The following EXOC4 variants were observed in gnomAD, a reference collection of about 807,000 sequenced individuals.
EXOC4 encodes the protein SEC8-like 1.
Under a neutral mutation model 107.2 loss-of-function variants are expected in EXOC4, and 71 were observed. That is an observed-to-expected ratio of 0.66 (90% CI 0.55 to 0.81). The LOEUF (loss-of-function observed/expected upper bound fraction) is 0.81. Ranked by LOEUF, EXOC4 falls within the 30% of genes least tolerant of loss-of-function variation. EXOC4 has a pLI of 0.00. For synonymous variants in EXOC4, 456 were observed against 441.2 expected, an observed-to-expected ratio of 1.03 and a Z score of -0.42; for missense variants, 1,108 against 1,189.6, an observed-to-expected ratio of 0.93 and a Z score of 1.01.
intron 10 of EXOC4, among the ~76,000 whole-genome samples, chr7:133,690,867 A>T (rs1192691803): frequency 6.6e-6 from 1 of 152,148 alleles, no homozygotes; most frequent in Non-Finnish European, 1.5e-5. Flanking sequence ...CTAATGGAAG[A>T]TAGGATTATT....
chr7:133,286,345 A>G (rs937639862), intron 2 of EXOC4, among the ~76,000 whole-genome samples: 1 of 152,064 alleles, frequency 6.6e-6, no homozygotes, highest in African/African-American at 2.4e-5. Context: ...TGGTTAATTG[A>G]TGTAATAGCT....
chr7:133,973,897 C>T (rs1365118308), intron 14 of EXOC4, among the ~76,000 whole-genome samples: 1 of 152,146 alleles, frequency 6.6e-6, no homozygotes, highest in Non-Finnish European at 1.5e-5. Context: ...CTGGCAAGTG[C>T]ATTCCTATTG....
intron 14 of EXOC4, among the ~76,000 whole-genome samples, chr7:133,968,041 T>A (rs954847363): frequency 6.6e-6 from 1 of 152,340 alleles, no homozygotes; most frequent in Admixed American, 6.5e-5. Context: ...ATATTTAGGA[T>A]AGTTAGCTCT....
intron 5 of EXOC4, among the ~76,000 whole-genome samples, chr7:133,332,353 G>A (rs752620300): frequency 1.3e-4 from 20 of 152,216 alleles, no homozygotes; most frequent in Non-Finnish European, 2.2e-4. Context: ...TTTGGAGGCC[G>A]GGCACAGTGG....
intron 9 of EXOC4, among the ~76,000 whole-genome samples, chr7:133,497,705 A>G (rs1799504383): frequency 6.6e-6 from 1 of 152,112 alleles, no homozygotes; most frequent in Non-Finnish European, 1.5e-5. Context: ...TTGGGATTAC[A>G]GGGGTGAGCC....
At chr7:134,048,092 C>T (rs1795697281) in intron 17 of EXOC4, among the ~76,000 whole-genome samples, 2 of 152,130 alleles carry the variant, frequency 1.3e-5, no homozygotes, top group Admixed American at 1.3e-4. Context: ...GAGACATTTC[C>T]CAAGTGGGGG....
At chr7:133,593,713 C>T (rs1289107524) in intron 9 of EXOC4, among the ~76,000 whole-genome samples, 2 of 152,176 alleles carry the variant, frequency 1.3e-5, no homozygotes, top group Non-Finnish European at 2.9e-5. Context: ...ACAACTCCTG[C>T]ACCTTGCTTT....
chr7:133,514,941 A>G (rs2150903487), intron 9 of EXOC4, among the ~76,000 whole-genome samples: 1 of 152,262 alleles, frequency 6.6e-6, no homozygotes, highest in Middle Eastern at 3.4e-3. Context: ...GATAGTCTGA[A>G]CTTTTTTGTT....
chr7:133,551,254 A>G (rs1158680909), intron 9 of EXOC4, among the ~76,000 whole-genome samples: 1 of 152,158 alleles, frequency 6.6e-6, no homozygotes, highest in Non-Finnish European at 1.5e-5. Flanking sequence ...CCTATGCAAC[A>G]TATCAAAAAA....
At chr7:134,019,670 A>G (rs912639078) in intron 17 of EXOC4, among the ~76,000 whole-genome samples, 1 of 152,234 alleles carries the variant, frequency 6.6e-6, no homozygotes, top group Non-Finnish European at 1.5e-5. Flanking sequence ...ACTTAGGTCA[A>G]TCCAACCCCA....
chr7:133,265,366 A>G (rs2150511707), intron 1 of EXOC4, among the ~76,000 whole-genome samples: 1 of 151,976 alleles, frequency 6.6e-6, no homozygotes, highest in South Asian at 2.1e-4. Context: ...AGATCGCGCC[A>G]CTGCACTCCA....
chr7:133,868,380 A>C (rs1476728618), intron 11 of EXOC4, among the ~76,000 whole-genome samples: 1 of 152,206 alleles, frequency 6.6e-6, no homozygotes, highest in Non-Finnish European at 1.5e-5. Context: ...TTTGGCATCC[A>C]GTATATGTGA....
In EXOC4 at chr7:133,718,138, T is replaced by C. The variant is rs961898651; in HGVS notation, c.1514+87997T>C. On this transcript the variant is annotated intron_variant, in intron 10 of 17. Transcript: ENST00000253861. ...GCGTGGGTTAAGGAATAGGTTTTAC[T>C]GGTGAAAGGGAAAACTTACAAGGCT... Among the ~76,000 whole-genome samples the C allele has an allele frequency of 2.6e-5, 4 of 152,174 alleles. No individual in the cohort carries two copies. The South Asian group carries it at 6.2e-4, about 24-fold the overall frequency.
At chr7:133,427,367 T>G (rs939491527) in intron 7 of EXOC4, among the ~76,000 whole-genome samples, 2 of 152,174 alleles carry the variant, frequency 1.3e-5, no homozygotes, top group Non-Finnish European at 2.9e-5. Context: ...CCTCTATACG[T>G]TTTCATCAAC....
chr7:134,019,311 CT>C (rs1380552023), intron 17 of EXOC4, among the ~76,000 whole-genome samples: 4 of 151,852 alleles, frequency 2.6e-5, no homozygotes, highest in Admixed American at 6.6e-5. Flanking sequence ...CTTTACAGAC[CT>C]TTAACTTTAA....
intron 15 of EXOC4, among the ~76,000 whole-genome samples, chr7:134,002,812 T>G (rs6467513): frequency 0.74 from 112,976 of 151,956 alleles, 42,945 homozygotes; most frequent in East Asian, 0.91. Flanking sequence ...TATTTAAAAC[T>G]GACAACACCA....
intron 10 of EXOC4, among the ~76,000 whole-genome samples, chr7:133,771,780 C>T (rs1156474123): frequency 1.3e-5 from 2 of 151,818 alleles, no homozygotes; most frequent in East Asian, 3.9e-4. Context: ...CATCACTTGT[C>T]TAAAATATGA....
At chr7:133,786,437 G>A (rs528577563) in intron 10 of EXOC4, among the ~76,000 whole-genome samples, 10 of 152,348 alleles carry the variant, frequency 6.6e-5, no homozygotes, top group Admixed American at 3.9e-4. Context: ...TGAGAAAGGA[G>A]ACTGGATATG....
intron 7 of EXOC4, among the ~76,000 whole-genome samples, chr7:133,412,278 G>GTTTTTTTTTTTTTTTTTTTT (rs35334259): frequency 9.8e-5 from 7 of 71,482 alleles, no homozygotes; most frequent in Admixed American, 2.4e-4. Context: ...TCAGAATTCA[G>GTTTTTTTTTTTTTTTTTTTT]TTTTTTTTTT....
Sources: allele counts gnomAD v4.1 joint callset (sites outside exome capture counted in the v4.1 genomes callset), GRCh38; gene constraint gnomAD v4.1.1; transcripts MANE v1.5; gene names NCBI Gene and HGNC (gene_info 2026-07-23, HGNC 2026-07-21).